Variants in COA7 observed in about 807,000 individuals in gnomAD.
COA7 encodes cytochrome c oxidase assembly factor 7.
A neutral mutation model predicts 21.0 loss-of-function variants in COA7; 12 were observed. The observed-to-expected ratio is 0.57, with a 90% confidence interval of 0.37 to 0.92. COA7 has a LOEUF of 0.92. Ranked by LOEUF, COA7 falls within the 40% of genes least tolerant of loss-of-function variation. The pLI, the probability that COA7 is intolerant of heterozygous loss-of-function variation, is 0.01. For synonymous variants in COA7, 95 were observed against 107.4 expected, an observed-to-expected ratio of 0.88 and a Z score of 0.72; for missense variants, 240 against 286.1, an observed-to-expected ratio of 0.84 and a Z score of 1.16.
At chr1:52,688,285 C>G in intron 2 of COA7, 117 bp from the exon 3 acceptor site, 1 of 815,056 alleles carries the variant, frequency 1.2e-6, no homozygotes, top group Non-Finnish European at 1.9e-6. Context: ...GCTTTGTTAA[C>G]CAGGCTGGAG....
chr1:52,687,361 CCCTT>C lies in COA7; in HGVS notation c.*355_*358del, dbSNP rs376433082. Reference sequence around the variant, plus strand: ...AATTTTTCAAACTTCCTGCTATCCTCCCTTCCCTACTACCAATCTCCAGGGCTCT... The same window carrying C: ...AATTTTTCAAACTTCCTGCTATCCTCCCCTACTACCAATCTCCAGGGCTCT... On this transcript the variant is annotated 3_prime_UTR_variant, in exon 3 of 3. Coordinates refer to ENST00000371538, the MANE Select transcript of COA7 (RefSeq NM_023077.3). 257 of 216,690 alleles carry C rather than the reference CCCTT, an allele frequency of 1.2e-3. 2 individuals are homozygous for C. Among genetic ancestry groups the C allele is most frequent in the African/African-American group, 5.5e-3 (241 of 44,090 alleles). 13.4% of individuals were successfully genotyped at this position (216,690 alleles called of 1,614,324 possible). A position where few individuals can be genotyped will look rare whatever the true frequency, so the allele number is the denominator to read the frequency against.
At position 52,687,700 on chromosome 1, in the gene COA7, G is replaced by T. The variant is rs1375924435; in HGVS notation, c.*20C>A. On this transcript the variant is annotated 3_prime_UTR_variant, in exon 3 of 3. Coordinates refer to ENST00000371538, the MANE Select transcript of COA7 (RefSeq NM_023077.3). ...GCCAGCCTCAAGCAGTTTGTTGCCT[G>T]GGAGGGAGGGTGGACCACATTACCC... 1.2e-6 allele frequency: 2 copies of T among 1,603,638 alleles called. No individual in the cohort carries two copies. Among genetic ancestry groups the T allele is most frequent in the Non-Finnish European group, 1.7e-6 (2 of 1,172,192 alleles).
intron 2 of COA7, among the ~76,000 whole-genome samples, chr1:52,692,186 C>T (rs1267734181): frequency 1.3e-5 from 2 of 152,208 alleles, no homozygotes; most frequent in Non-Finnish European, 2.9e-5. Flanking sequence ...TGACTATAAC[C>T]TCATGAGATA....
In COA7 at chr1:52,694,461, G is replaced by GGAAAAAA. The variant is rs751466526; in HGVS notation, c.107-1595_107-1594insTTTTTTC. On this transcript the variant is annotated intron_variant, in intron 1 of 2. Transcript: ENST00000371538. ...GGCAACAAGAGCAAAACTCCATCTC[G>GGAAAAAA]AAAAAAAAAAAAAAAAAAAAGCCCA... is the stretch of plus-strand genomic sequence containing the variant. Among the ~76,000 whole-genome samples, 5 of 65,000 alleles carry GGAAAAAA rather than the reference G, an allele frequency of 7.7e-5. 1 individual carries two copies. The highest frequency in any genetic ancestry group is 5.5e-5 in the African/African-American group (1 of 18,162). The allele number at this position is 65,000 out of a possible 152,430, so 42.6% of individuals were successfully genotyped here.
At chr1:52,693,232 TA>T (rs34459673) in intron 1 of COA7, among the ~76,000 whole-genome samples, 40,108 of 151,894 alleles carry the variant, frequency 0.26, 6,326 homozygotes, top group Non-Finnish European at 0.36. Flanking sequence ...AGTTAAATGG[TA>T]AAAACAGTGA....
chr1:52,690,720 C>T (rs958101559), intron 2 of COA7, among the ~76,000 whole-genome samples: 2 of 151,098 alleles, frequency 1.3e-5, no homozygotes, highest in Admixed American at 6.6e-5. Context: ...GCTCTGTGGC[C>T]GAGGCTGGAG....
intron 1 of COA7, among the ~76,000 whole-genome samples, chr1:52,695,346 T>C (rs908664870): frequency 7.2e-5 from 10 of 138,932 alleles, no homozygotes; most frequent in African/African-American, 2.7e-4. Flanking sequence ...ACGCCTGTAA[T>C]CCCAGCTACC....
At chr1:52,696,988 A>C (rs1342885645) in intron 1 of COA7, among the ~76,000 whole-genome samples, 1 of 152,092 alleles carries the variant, frequency 6.6e-6, no homozygotes, top group Admixed American at 6.5e-5. Context: ...GGGTGCCTGT[A>C]ATCCCAGCTA....
intron 1 of COA7, among the ~76,000 whole-genome samples, chr1:52,695,873 C>G (rs562326529): frequency 6.6e-6 from 1 of 152,310 alleles, no homozygotes; most frequent in South Asian, 2.1e-4. Flanking sequence ...ATTCCAAGAA[C>G]TTGCTTCTCA....
chr1:52,698,167 T>C, intron 1 of COA7, 54 bp downstream of exon 1: 4 of 1,313,090 alleles, frequency 3.0e-6, no homozygotes, highest in Non-Finnish European at 4.4e-6. Flanking sequence ...AGACCAGACC[T>C]CTCCGGGCAC....
intron 1 of COA7, among the ~76,000 whole-genome samples, chr1:52,696,937 C>T (rs1173489512): frequency 6.6e-6 from 1 of 152,054 alleles, no homozygotes; most frequent in Non-Finnish European, 1.5e-5. Context: ...TGGTGAAACC[C>T]TGTCTCTACG....
chr1:52,687,846 G>A lies in COA7; in HGVS notation c.570C>T (p.Ala190=). The A allele has an allele frequency of 6.2e-7, 1 of 1,614,242 alleles. No homozygotes were observed. Among genetic ancestry groups the A allele is most frequent in the South Asian group, 1.1e-5 (1 of 91,088 alleles). Residue 190 remains alanine, a synonymous_variant, in exon 3 of 3, where the codon GCC becomes GCT. Transcript: ENST00000371538. Reference sequence around the variant, plus strand: ...CATCCCCCAGCTTGTACATGCGACTGGCATTGGCACAGGCCCAGATATGAC... The same window carrying A: ...CATCCCCCAGCTTGTACATGCGACTAGCATTGGCACAGGCCCAGATATGAC... ...DLGHIWACAN[A]SRMYKLGDGV...
At chr1:52,689,467 TTG>T (rs1644028690) in intron 2 of COA7, among the ~76,000 whole-genome samples, 1 of 151,860 alleles carries the variant, frequency 6.6e-6, no homozygotes, top group Admixed American at 6.6e-5. Context: ...GAGATTTTTT[TTG>T]TGATTTTTTT....
intron 2 of COA7, among the ~76,000 whole-genome samples, chr1:52,691,185 G>T (rs115800796): frequency 0.021 from 3,131 of 152,064 alleles, 76 homozygotes; most frequent in East Asian, 0.14. Flanking sequence ...AGAGGCCAAG[G>T]TGCAAGGATT....
chr1:52,688,448 A>G (rs764473469), intron 2 of COA7, among the ~76,000 whole-genome samples: 1 of 152,078 alleles, frequency 6.6e-6, no homozygotes, highest in Non-Finnish European at 1.5e-5. Flanking sequence ...GGATCTCACT[A>G]TGTTGCCAAG....
In COA7 at chr1:52,687,986, C is replaced by G. The variant is rs1317268332; in HGVS notation, c.430G>C (p.Gly144Arg). ...ARDYYTRACD[G>R]GYTSSCFNLS... Reference sequence around the variant, plus strand: ...TTGAAGCAACTGGAAGTATAGCCACCATCACAGGCCCTTGTGTAGTAGTCC... The same window carrying G: ...TTGAAGCAACTGGAAGTATAGCCACGATCACAGGCCCTTGTGTAGTAGTCC... The change falls in exon 3 of 3, where the codon GGT (glycine) becomes CGT (arginine). Residue 144 changes from glycine (G) to arginine (R), a missense_variant. Physicochemically the swap from Gly to Arg is moderately radical, Grantham distance 125. Around this residue, in one of 3 missense-constraint regions of COA7, gnomAD observed 163 missense variants for 214.1 expected, o/e 0.76. Coordinates refer to ENST00000371538, the MANE Select transcript of COA7 (RefSeq NM_023077.3). The G allele has an allele frequency of 2.5e-6, 4 of 1,614,074 alleles. No individual in the cohort carries two copies. In the African/African-American group the frequency reaches 5.3e-5, roughly 22 times the overall value.
chr1:52,692,936 G>C, intron 1 of COA7, 69 bp from the exon 2 acceptor site: 1 of 1,570,982 alleles, frequency 6.4e-7, no homozygotes, highest in South Asian at 1.1e-5. Flanking sequence ...CTTGGGGGTA[G>C]GGGGTGCCCA....
Position 52,698,184 on chromosome 1 carries a change from C to T in COA7, c.106+37G>A, listed in dbSNP as rs763715355. On this transcript the variant is annotated intron_variant, in intron 1 of 2. Transcript: ENST00000371538. The stretch of plus-strand genomic sequence containing the variant: ...ACCAGACCTCTCCGGGCACGTCCCT[C>T]CCCGACGCGTCGCCGGGCTGCGCTG... 26 of 1,463,150 alleles carry T rather than the reference C, an allele frequency of 1.8e-5. No individual in the cohort carries two copies. The South Asian group carries it at 2.9e-4, about 17-fold the overall frequency. The allele number at this position is 1,463,150 out of a possible 1,614,324, so 90.6% of individuals were successfully genotyped here. A position where few individuals can be genotyped will look rare whatever the true frequency, so the allele number is the denominator to read the frequency against.
chr1:52,697,253 A>T (rs1644090872), intron 1 of COA7, among the ~76,000 whole-genome samples: 1 of 152,210 alleles, frequency 6.6e-6, no homozygotes, highest in Admixed American at 6.6e-5. Flanking sequence ...AAAATACAAA[A>T]AATAAAAATA....
Sources: gnomAD v4.1 joint callset for allele counts (sites outside exome capture counted in the v4.1 genomes callset) on GRCh38, gnomAD v4.1.1 for gene constraint, gnomAD v4.1.1 regional missense constraint, MANE v1.5 for transcripts, NCBI Gene and HGNC (gene_info 2026-07-23, HGNC 2026-07-21) for gene names.